Variants in NDUFS4 observed in about 807,000 individuals in gnomAD.
NDUFS4 encodes the protein NADH:ubiquinone oxidoreductase subunit S4.
A neutral mutation model predicts 24.3 loss-of-function variants in NDUFS4; 28 were observed. The observed-to-expected ratio is 1.15, with a 90% CI of 0.85 to 1.58. NDUFS4 has a LOEUF of 1.58. Ranked by LOEUF, NDUFS4 falls within the 40% of genes most tolerant of loss-of-function variation. The pLI is 0.00. For missense variants in NDUFS4, 223 were observed against 207.9 expected (o/e 1.07, Z -0.45); for synonymous variants, 93 against 69.7 (o/e 1.34, Z -1.67).
intron 2 of NDUFS4, among the ~76,000 whole-genome samples, chr5:53,626,940 G>T (rs1332991845): frequency 1.3e-5 from 2 of 152,140 alleles, no homozygotes; most frequent in Admixed American, 1.3e-4. Flanking sequence ...TGGTGTTTTA[G>T]TCATGAAGTC....
intron 3 of NDUFS4, among the ~76,000 whole-genome samples, chr5:53,656,898 A>G (rs1752177156): frequency 6.6e-6 from 1 of 152,174 alleles, no homozygotes; most frequent in African/African-American, 2.4e-5. Context: ...CCTAAAAAAG[A>G]ACTACAAAAT....
chr5:53,671,621 G>A (rs895600753), intron 4 of NDUFS4, among the ~76,000 whole-genome samples: 4 of 152,062 alleles, frequency 2.6e-5, no homozygotes, highest in Non-Finnish European at 4.4e-5. Flanking sequence ...AGTTCTTTGT[G>A]TACTAAAAAG....
chr5:53,625,835 A>G (rs777529568), intron 2 of NDUFS4, among the ~76,000 whole-genome samples: 4 of 151,972 alleles, frequency 2.6e-5, no homozygotes, highest in Admixed American at 1.3e-4. Context: ...GCCTATTTCT[A>G]TTGATTATTT....
chr5:53,677,100 T>G (rs1740499806), intron 4 of NDUFS4, among the ~76,000 whole-genome samples: 1 of 152,204 alleles, frequency 6.6e-6, no homozygotes, highest in East Asian at 1.9e-4. Context: ...AATGGCTGAT[T>G]TTCAGATATA....
intron 1 of NDUFS4, among the ~76,000 whole-genome samples, chr5:53,582,617 A>G (rs947926399): frequency 6.6e-6 from 1 of 152,200 alleles, no homozygotes; most frequent in African/African-American, 2.4e-5. Context: ...TTTCATCAAC[A>G]TATAACAAAA....
intron 2 of NDUFS4, among the ~76,000 whole-genome samples, chr5:53,644,286 C>G (rs535519617): frequency 6.6e-6 from 1 of 152,186 alleles, no homozygotes; most frequent in South Asian, 2.1e-4. Flanking sequence ...ACAGCTCCAG[C>G]TTTTATGAGC....
At chr5:53,572,449 A>T (rs1394580380) in intron 1 of NDUFS4, among the ~76,000 whole-genome samples, 1 of 152,164 alleles carries the variant, frequency 6.6e-6, no homozygotes, top group African/African-American at 2.4e-5. Flanking sequence ...TACCAATCAG[A>T]TGTGTAATTT....
At chr5:53,666,786 T>G (rs1752526395) in intron 4 of NDUFS4, among the ~76,000 whole-genome samples, 1 of 151,830 alleles carries the variant, frequency 6.6e-6, no homozygotes, top group Non-Finnish European at 1.5e-5. Flanking sequence ...ATACACAAAT[T>G]AGCTGGATGT....
At chr5:53,659,181 C>A (rs1260090183) in intron 4 of NDUFS4, among the ~76,000 whole-genome samples, 2 of 152,034 alleles carry the variant, frequency 1.3e-5, no homozygotes, top group Non-Finnish European at 2.9e-5. Flanking sequence ...ATTAATGTGG[C>A]CTAAGAGTAT....
chr5:53,631,428 T>C (rs1203984966), intron 2 of NDUFS4, among the ~76,000 whole-genome samples: 2 of 152,178 alleles, frequency 1.3e-5, no homozygotes, highest in African/African-American at 4.8e-5. Context: ...GGAGAACCAC[T>C]GCTGTCTTCA....
intron 2 of NDUFS4, among the ~76,000 whole-genome samples, chr5:53,615,615 A>C (rs1750817247): frequency 6.6e-6 from 1 of 152,108 alleles, no homozygotes; most frequent in Admixed American, 6.5e-5. Context: ...CTATGTCTCC[A>C]CAAAACTGCT....
chr5:53,568,299 C>T (rs932840472), intron 1 of NDUFS4, among the ~76,000 whole-genome samples: 1 of 151,958 alleles, frequency 6.6e-6, no homozygotes, highest in Admixed American at 6.6e-5. Context: ...ATGCCTTGCC[C>T]CCCAGTCTAT....
chr5:53,661,058 G>C (rs1752327950), intron 4 of NDUFS4, among the ~76,000 whole-genome samples: 1 of 152,148 alleles, frequency 6.6e-6, no homozygotes, highest in South Asian at 2.1e-4. Context: ...TGGTGTTTTA[G>C]ACATGAAGTC....
chr5:53,613,381 A>T (rs1042428925), intron 2 of NDUFS4, among the ~76,000 whole-genome samples: 14 of 152,148 alleles, frequency 9.2e-5, no homozygotes, highest in Middle Eastern at 3.4e-3. Flanking sequence ...TTCATTTTAC[A>T]TCAAAGAATA....
chr5:53,616,701 A>T lies in NDUFS4; in HGVS notation c.177+13171A>T, dbSNP rs73754270. Among the ~76,000 whole-genome samples, 1,108 of 152,258 alleles carry T rather than the reference A, an allele frequency of 7.3e-3. 13 individuals carry two copies. The highest frequency in any genetic ancestry group is 0.025 in the African/African-American group (1,057 of 41,546). ...TAAGAAGGCTCTTTAGGCCCATAGT[A>T]AGAAATTTGAATATTATTTGAATTA... On this transcript the variant is annotated intron_variant, in intron 2 of 4. Coordinates refer to ENST00000296684, the MANE Select transcript of NDUFS4 (RefSeq NM_002495.4).
chr5:53,628,010 C>T (rs1230974851), intron 2 of NDUFS4, among the ~76,000 whole-genome samples: 1 of 152,212 alleles, frequency 6.6e-6, no homozygotes, highest in Admixed American at 6.5e-5. Context: ...ATGATATTGG[C>T]TGTAGGTTTG....
intron 2 of NDUFS4, among the ~76,000 whole-genome samples, chr5:53,611,522 CAA>C (rs1288306892): frequency 6.6e-6 from 1 of 151,604 alleles, no homozygotes; most frequent in African/African-American, 2.4e-5. Flanking sequence ...ATGTAAATAT[CAA>C]AAGAGTAGAT....
At chr5:53,578,686 T>C (rs992768106) in intron 1 of NDUFS4, among the ~76,000 whole-genome samples, 3 of 152,180 alleles carry the variant, frequency 2.0e-5, no homozygotes, top group African/African-American at 7.2e-5. Context: ...TATAAGTGCC[T>C]GAAAAATTAT....
At position 53,569,346 on chromosome 5, in the gene NDUFS4, A is replaced by G. The variant is rs73754257; in HGVS notation, c.98+8586A>G. 7.3e-3 allele frequency among the ~76,000 whole-genome samples: 1,104 copies of G among 152,224 alleles called. 14 individuals are homozygous for G. Among genetic ancestry groups the G allele is most frequent in the African/African-American group, 0.025 (1,053 of 41,532 alleles). On this transcript the variant is annotated intron_variant, in intron 1 of 4. Transcript: ENST00000296684. ...TTCAGATTTTGTATTCAACCTTTTA[A>G]AAAATGTGAAAGTGCTTTGTAATAT...
Sources: gnomAD v4.1 joint callset for allele counts (sites outside exome capture counted in the v4.1 genomes callset) on GRCh38, gnomAD v4.1.1 for gene constraint, MANE v1.5 for transcripts, NCBI Gene and HGNC (gene_info 2026-07-23, HGNC 2026-07-21) for gene names.